The following IMMP2L variants were observed in gnomAD, a reference collection of about 807,000 sequenced individuals.
IMMP2L encodes mitochondrial inner membrane protease subunit 2.
In IMMP2L, 18 loss-of-function variants were observed where a neutral mutation model predicts 19.3. The observed-to-expected ratio is 0.93, with a 90% CI of 0.64 to 1.38. IMMP2L has a LOEUF of 1.38. Ranked by LOEUF, IMMP2L falls within the 40% of genes most tolerant of loss-of-function variation. The pLI, the probability that IMMP2L is intolerant of heterozygous loss-of-function variation, is 0.00. For missense variants in IMMP2L, 233 were observed against 218.2 expected, an observed-to-expected ratio of 1.07 and a Z score of -0.43; for synonymous variants, 76 against 73.0, an observed-to-expected ratio of 1.04 and a Z score of -0.21.
intron 5 of IMMP2L, among the ~76,000 whole-genome samples, chr7:110,719,751 T>C (rs1562935675): frequency 6.6e-6 from 1 of 152,340 alleles, no homozygotes; most frequent in East Asian, 1.9e-4. Flanking sequence ...TAAACAGCTT[T>C]AAATGAGAAG....
intron 3 of IMMP2L, chr7:111,411,721 C>A: frequency 5.1e-6 from 1 of 197,844 alleles, no homozygotes; most frequent in Non-Finnish European, 1.1e-5. Flanking sequence ...GCCAGGTGCA[C>A]ATCCTCAGCC....
intron 3 of IMMP2L, among the ~76,000 whole-genome samples, chr7:111,197,110 G>C (rs987480069): frequency 6.6e-6 from 1 of 151,976 alleles, no homozygotes; most frequent in East Asian, 1.9e-4. Flanking sequence ...ATACTGAAAA[G>C]GTTGAGGAAG....
intron 4 of IMMP2L, among the ~76,000 whole-genome samples, chr7:110,928,200 A>G (rs1815069051): frequency 6.6e-6 from 1 of 152,092 alleles, no homozygotes; most frequent in Non-Finnish European, 1.5e-5. Context: ...TGAAGATAAA[A>G]GCAAAAATAC....
chr7:110,740,435 A>G (rs1796918903), intron 5 of IMMP2L, among the ~76,000 whole-genome samples: 1 of 152,184 alleles, frequency 6.6e-6, no homozygotes, highest in African/African-American at 2.4e-5. Context: ...GGCTACTGTG[A>G]ACACGTTTAT....
intron 4 of IMMP2L, among the ~76,000 whole-genome samples, chr7:110,932,009 C>G (rs1414025939): frequency 6.6e-6 from 1 of 152,192 alleles, no homozygotes; most frequent in African/African-American, 2.4e-5. Context: ...TACCTGAACC[C>G]TCATGCACAC....
chr7:110,896,287 T>A (rs893407141), intron 4 of IMMP2L, among the ~76,000 whole-genome samples: 8 of 152,126 alleles, frequency 5.3e-5, no homozygotes, highest in African/African-American at 1.7e-4. Context: ...AAATTTAGTT[T>A]TTGCTAAAAT....
intron 3 of IMMP2L, among the ~76,000 whole-genome samples, chr7:111,285,105 T>C (rs1820344186): frequency 6.6e-6 from 1 of 151,880 alleles, no homozygotes; most frequent in Admixed American, 6.6e-5. Flanking sequence ...CAGCATCACA[T>C]AATAAAGGCC....
intron 5 of IMMP2L, among the ~76,000 whole-genome samples, chr7:110,836,772 TG>T (rs1278818067): frequency 6.6e-6 from 1 of 152,188 alleles, no homozygotes; most frequent in Admixed American, 6.6e-5. Context: ...AGGTGGCTGA[TG>T]TGGTATAATG....
chr7:111,026,280 G>A (rs1022181499), intron 3 of IMMP2L, among the ~76,000 whole-genome samples: 6 of 152,036 alleles, frequency 3.9e-5, no homozygotes, highest in African/African-American at 1.4e-4. Context: ...CCTAATCCAA[G>A]TAGTTAGAAG....
At position 110,917,115 on chromosome 7, in the gene IMMP2L, A is replaced by G. The variant is rs547290448; in HGVS notation, c.306-30420T>C. 4.7e-4 allele frequency among the ~76,000 whole-genome samples: 71 copies of G among 152,288 alleles called. 2 individuals are homozygous for G. Among genetic ancestry groups the G allele is most frequent in the Admixed American group, 4.6e-3 (70 of 15,282 alleles). On this transcript the variant is annotated intron_variant, in intron 4 of 5. Transcript: ENST00000405709. ...GACAAAAAACACACGTGGGAGAAACAAGTAGGGAAGAGAAGTCACATAAAG... is the reference window on the plus strand; with the variant it reads ...GACAAAAAACACACGTGGGAGAAACGAGTAGGGAAGAGAAGTCACATAAAG...
At chr7:111,008,326 T>A (rs576182312) in intron 3 of IMMP2L, among the ~76,000 whole-genome samples, 4 of 152,232 alleles carry the variant, frequency 2.6e-5, no homozygotes, top group African/African-American at 9.6e-5. Flanking sequence ...ACTGCCTTGC[T>A]ATTCTTTGAG....
At chr7:111,316,845 C>CTT (rs869155077) in intron 3 of IMMP2L, among the ~76,000 whole-genome samples, 817 of 75,872 alleles carry the variant, frequency 0.011, no homozygotes, top group Non-Finnish European at 0.011. Context: ...TTTTTTTTTT[C>CTT]TTTTTTTTTT....
chr7:111,551,498 GT>G (rs1849455724), intron 1 of IMMP2L, among the ~76,000 whole-genome samples: 5 of 37,362 alleles, frequency 1.3e-4, no homozygotes, highest in Non-Finnish European at 3.5e-4. Context: ...TGTTAGAGGT[GT>G]GTGTGTGTGT....
At chr7:110,714,915 G>A (rs1440085281) in intron 5 of IMMP2L, among the ~76,000 whole-genome samples, 1 of 151,948 alleles carries the variant, frequency 6.6e-6, no homozygotes, top group Non-Finnish European at 1.5e-5. Flanking sequence ...TTTTTAATTG[G>A]CCAATTTTTT....
chr7:110,989,578 T>C (rs1438128285), intron 3 of IMMP2L, among the ~76,000 whole-genome samples: 1 of 150,964 alleles, frequency 6.6e-6, no homozygotes. Flanking sequence ...TATTTGAGTA[T>C]TGGTAGTATA....
intron 3 of IMMP2L, among the ~76,000 whole-genome samples, chr7:110,973,312 T>C (rs866003281): frequency 3.3e-4 from 50 of 152,072 alleles, no homozygotes; most frequent in Admixed American, 1.2e-3. Context: ...TTGTCGGTCA[T>C]ACCTTAATAA....
intron 4 of IMMP2L, among the ~76,000 whole-genome samples, chr7:110,891,348 C>A (rs76006236): frequency 6.6e-6 from 1 of 152,170 alleles, no homozygotes; most frequent in East Asian, 1.9e-4. Flanking sequence ...ATCCACCTTC[C>A]GCTCTCAAGT....
At chr7:110,841,408 G>GA (rs5886581) in intron 5 of IMMP2L, among the ~76,000 whole-genome samples, 101,092 of 151,788 alleles carry the variant, frequency 0.67, 38,162 homozygotes, top group Non-Finnish European at 0.82. Flanking sequence ...AATATTTAAT[G>GA]AAAAATCTAT....
At chr7:110,695,106 T>G (rs1276165981) in intron 5 of IMMP2L, among the ~76,000 whole-genome samples, 4 of 152,180 alleles carry the variant, frequency 2.6e-5, no homozygotes, top group African/African-American at 9.6e-5. Context: ...AGGTTTCCTT[T>G]GGGGTAATGA....
Sources: allele counts gnomAD v4.1 joint callset (sites outside exome capture counted in the v4.1 genomes callset), GRCh38; gene constraint gnomAD v4.1.1; transcripts MANE v1.5; gene names NCBI Gene and HGNC (gene_info 2026-07-23, HGNC 2026-07-21).